TAFA4: variants seen among roughly 807,000 people sequenced by gnomAD.
The protein encoded by TAFA4 is chemokine-like protein TAFA-4.
A neutral mutation model predicts 21.1 loss-of-function variants in TAFA4; 20 were observed. The observed-to-expected ratio is 0.95, with a 90% CI of 0.67 to 1.38. The LOEUF is 1.38. TAFA4 is among the 40% of genes most tolerant of loss of function. TAFA4 has a pLI of 0.00. For missense variants in TAFA4, 211 were observed against 180.9 expected (o/e 1.17, Z -0.95); for synonymous variants, 71 against 67.4 (o/e 1.05, Z -0.26).
At chr3:68,782,162 A>G (rs1388592580) in intron 3 of TAFA4, among the ~76,000 whole-genome samples, 1 of 152,214 alleles carries the variant, frequency 6.6e-6, no homozygotes, top group Non-Finnish European at 1.5e-5. Context: ...AAAAGAAAAA[A>G]GGACAAACAA....
intron 3 of TAFA4, among the ~76,000 whole-genome samples, chr3:68,812,537 A>G (rs1703866396): frequency 6.6e-6 from 1 of 152,182 alleles, no homozygotes; most frequent in Non-Finnish European, 1.5e-5. Context: ...AGTCTCTGAT[A>G]AAACAGACTT....
intron 5 of TAFA4, among the ~76,000 whole-genome samples, chr3:68,733,722 T>A (rs954728278): frequency 2.0e-5 from 3 of 152,116 alleles, no homozygotes; most frequent in Admixed American, 6.5e-5. Context: ...TGTTTGTTAG[T>A]CAATATACCA....
intron 5 of TAFA4, among the ~76,000 whole-genome samples, chr3:68,733,720 A>C (rs1702192916): frequency 6.6e-6 from 1 of 152,190 alleles, no homozygotes; most frequent in Admixed American, 6.5e-5. Context: ...CGTGTTTGTT[A>C]GTCAATATAC....
At chr3:68,740,736 G>A (rs1302493119) in intron 4 of TAFA4, among the ~76,000 whole-genome samples, 3 of 152,104 alleles carry the variant, frequency 2.0e-5, no homozygotes, top group Non-Finnish European at 4.4e-5. Flanking sequence ...TCAATATCAA[G>A]GACCTTTTTC....
At chr3:68,774,745 G>C (rs1238730301) in intron 3 of TAFA4, among the ~76,000 whole-genome samples, 1 of 152,146 alleles carries the variant, frequency 6.6e-6, no homozygotes, top group African/African-American at 2.4e-5. Flanking sequence ...GAAAACATGA[G>C]AGATCCTCTT....
At chr3:68,845,502 C>T (rs1045207284) in intron 3 of TAFA4, among the ~76,000 whole-genome samples, 4 of 152,000 alleles carry the variant, frequency 2.6e-5, no homozygotes, top group African/African-American at 9.7e-5. Flanking sequence ...TTAATTGGGG[C>T]CTTTAGCCCA....
At chr3:68,775,021 G>A (rs961758204) in intron 3 of TAFA4, among the ~76,000 whole-genome samples, 2 of 152,164 alleles carry the variant, frequency 1.3e-5, no homozygotes, top group Non-Finnish European at 2.9e-5. Flanking sequence ...CCCTCAGAAA[G>A]TAACAAAGAA....
intron 3 of TAFA4, among the ~76,000 whole-genome samples, chr3:68,781,502 G>C (rs991807): frequency 6.6e-6 from 1 of 151,780 alleles, no homozygotes; most frequent in Non-Finnish European, 1.5e-5. Flanking sequence ...GAGCAACTTC[G>C]TGCCAATAAG....
At chr3:68,872,214 T>C (rs1156283790) in intron 3 of TAFA4, among the ~76,000 whole-genome samples, 1 of 152,150 alleles carries the variant, frequency 6.6e-6, no homozygotes, top group Non-Finnish European at 1.5e-5. Context: ...AATGGAATAT[T>C]ATTCAGTCAT....
At chr3:68,895,606 A>C (rs1260522680) in intron 1 of TAFA4, among the ~76,000 whole-genome samples, 1 of 152,204 alleles carries the variant, frequency 6.6e-6, no homozygotes, top group African/African-American at 2.4e-5. Flanking sequence ...GGAATTAGCT[A>C]TGCACAGGGA....
intron 1 of TAFA4, among the ~76,000 whole-genome samples, chr3:68,901,627 A>T (rs2089844604): frequency 6.6e-6 from 1 of 152,204 alleles, no homozygotes; most frequent in Non-Finnish European, 1.5e-5. Context: ...ATAGCTCCAT[A>T]TGGTAATATT....
In TAFA4 at chr3:68,762,622, TA is replaced by T. The variant is rs1702777060; in HGVS notation, c.131-9605del. On this transcript the variant is annotated intron_variant, in intron 3 of 5. Transcript: ENST00000295569. ...CAGAATAAAGTATGCCTTGCCCACA[TA>T]AAACTAGTCCCCACTCAACACCAGG... Among the ~76,000 whole-genome samples the T allele has an allele frequency of 2.0e-5, 3 of 152,328 alleles. No individual in the cohort carries two copies. The South Asian group carries it at 6.2e-4, about 32-fold the overall frequency.
intron 3 of TAFA4, among the ~76,000 whole-genome samples, chr3:68,805,578 G>A (rs1281432400): frequency 6.6e-6 from 1 of 152,176 alleles, no homozygotes; most frequent in Non-Finnish European, 1.5e-5. Flanking sequence ...ACGATAGACT[G>A]GATTAAGAAA....
intron 1 of TAFA4, among the ~76,000 whole-genome samples, chr3:68,890,582 T>TA (rs1208647306): frequency 6.6e-6 from 1 of 152,220 alleles, no homozygotes; most frequent in Admixed American, 6.5e-5. Context: ...AAACTCACTT[T>TA]AAAAGAAGGA....
chr3:68,736,650 C>G lies in TAFA4; in HGVS notation c.411+2425G>C, dbSNP rs192005880. On this transcript the variant is annotated intron_variant, in intron 5 of 5. Transcript: ENST00000295569. ...TACGTCCTCTAGGGAGACAATTGCT[C>G]TGCTTTTCTAGGACCTCTGTCTTAC... Among the ~76,000 whole-genome samples the G allele has an allele frequency of 6.7e-4, 102 of 152,170 alleles. 1 individual carries two copies. Among genetic ancestry groups the G allele is most frequent in the African/African-American group, 2.3e-3 (94 of 41,532 alleles).
At chr3:68,905,219 G>A (rs377104660) in intron 1 of TAFA4, among the ~76,000 whole-genome samples, 21 of 134,754 alleles carry the variant, frequency 1.6e-4, no homozygotes, top group Admixed American at 1.4e-3. Flanking sequence ...CAAGTGGTGC[G>A]ATCTCGGCTC....
chr3:68,913,796 T>C (rs1437581245), intron 1 of TAFA4: 3 of 152,228 alleles, frequency 2.0e-5, no homozygotes, highest in South Asian at 4.1e-4. Flanking sequence ...ATTCGAGCTC[T>C]AGAACTCACT....
intron 3 of TAFA4, among the ~76,000 whole-genome samples, chr3:68,817,980 T>G (rs1327589923): frequency 6.6e-6 from 1 of 152,162 alleles, no homozygotes; most frequent in East Asian, 1.9e-4. Context: ...CTTTGAAGCT[T>G]TGGAGCCTAG....
chr3:68,772,518 A>G (rs1171756088), intron 3 of TAFA4, among the ~76,000 whole-genome samples: 1 of 152,178 alleles, frequency 6.6e-6, no homozygotes, highest in Non-Finnish European at 1.5e-5. Context: ...TCTCCTGCCT[A>G]TAGACATCAG....
Sources: allele counts gnomAD v4.1 joint callset (sites outside exome capture counted in the v4.1 genomes callset), GRCh38; gene constraint gnomAD v4.1.1; transcripts MANE v1.5; gene names NCBI Gene and HGNC (gene_info 2026-07-23, HGNC 2026-07-21).